The following CNTN5 variants were observed in gnomAD, a reference collection of about 807,000 sequenced individuals.
The protein encoded by CNTN5 is contactin 5.
CNTN5 carries 77 observed loss-of-function variants against 129.1 expected under a neutral mutation model. The ratio of observed to expected loss-of-function variants is 0.60; its 90% confidence interval spans 0.50 to 0.72. The LOEUF (loss-of-function observed/expected upper bound fraction) is 0.72. CNTN5 is among the 30% of genes least tolerant of loss of function. CNTN5 has a pLI of 0.00. For synonymous variants in CNTN5, 509 were observed against 465.6 expected (o/e 1.09, Z -1.20); for missense variants, 1,478 against 1,328.8 (o/e 1.11, Z -1.75).
At chr11:99,588,643 G>A (rs948579970) in intron 3 of CNTN5, among the ~76,000 whole-genome samples, 2 of 152,048 alleles carry the variant, frequency 1.3e-5, no homozygotes, top group Non-Finnish European at 2.9e-5. Context: ...TATTTAATAC[G>A]TTAAAGTAAA....
At chr11:99,157,213 G>A (rs1860379620) in intron 1 of CNTN5, among the ~76,000 whole-genome samples, 1 of 151,928 alleles carries the variant, frequency 6.6e-6, no homozygotes, top group Non-Finnish European at 1.5e-5. Flanking sequence ...TCAAGATAGA[G>A]AAGTATTTTT....
At chr11:100,173,169 A>G (rs1424020087) in intron 13 of CNTN5, among the ~76,000 whole-genome samples, 1 of 152,050 alleles carries the variant, frequency 6.6e-6, no homozygotes, top group Non-Finnish European at 1.5e-5. Flanking sequence ...GCTTATCCAA[A>G]TCCTTATCAG....
chr11:100,083,701 A>G (rs1944448213), intron 13 of CNTN5, among the ~76,000 whole-genome samples: 1 of 152,180 alleles, frequency 6.6e-6, no homozygotes, highest in Admixed American at 6.6e-5. Context: ...GTATGTTTAC[A>G]TAGTATAACG....
intron 2 of CNTN5, among the ~76,000 whole-genome samples, chr11:99,350,337 G>C (rs1194939816): frequency 6.6e-6 from 1 of 152,080 alleles, no homozygotes; most frequent in Non-Finnish European, 1.5e-5. Flanking sequence ...TTAGATGTTG[G>C]AACTCACATT....
intron 3 of CNTN5, among the ~76,000 whole-genome samples, chr11:99,801,863 T>C (rs545443062): frequency 4.4e-4 from 67 of 152,222 alleles, no homozygotes; most frequent in Admixed American, 1.1e-3. Flanking sequence ...AACCTTCTCT[T>C]TGGATATCTT....
At chr11:99,997,800 A>G (rs1939556728) in intron 8 of CNTN5, among the ~76,000 whole-genome samples, 1 of 152,178 alleles carries the variant, frequency 6.6e-6, no homozygotes, top group South Asian at 2.1e-4. Flanking sequence ...CAAAAAGCTT[A>G]TCCACCATGA....
intron 9 of CNTN5, among the ~76,000 whole-genome samples, chr11:100,007,396 T>G (rs1940261266): frequency 6.6e-6 from 1 of 152,166 alleles, no homozygotes; most frequent in Non-Finnish European, 1.5e-5. Flanking sequence ...AAGGCTGTTT[T>G]GTCTACATTG....
chr11:99,602,089 A>G (rs1950329504), intron 3 of CNTN5, among the ~76,000 whole-genome samples: 1 of 152,132 alleles, frequency 6.6e-6, no homozygotes, highest in Non-Finnish European at 1.5e-5. Flanking sequence ...AATTCATCAG[A>G]TAAAGTACAA....
intron 11 of CNTN5, 89 bp from the exon 12 acceptor site, chr11:100,071,616 C>A: frequency 3.1e-6 from 3 of 962,986 alleles, no homozygotes; most frequent in Non-Finnish European, 4.4e-6. Context: ...TAATTGCAAA[C>A]TTGTTTTTTC....
At chr11:99,321,195 C>T (rs1865554249) in intron 1 of CNTN5, among the ~76,000 whole-genome samples, 2 of 90,956 alleles carry the variant, frequency 2.2e-5, no homozygotes, top group Admixed American at 1.0e-4. Flanking sequence ...AAACTAATTC[C>T]AATTGCATAC....
chr11:99,632,171 T>G (rs1466339759), intron 3 of CNTN5, among the ~76,000 whole-genome samples: 3 of 150,466 alleles, frequency 2.0e-5, no homozygotes. Context: ...CAAACCATCT[T>G]AAAATTGTCT....
At chr11:99,242,420 G>A (rs1326456491) in intron 1 of CNTN5, among the ~76,000 whole-genome samples, 2 of 152,032 alleles carry the variant, frequency 1.3e-5, no homozygotes, top group Non-Finnish European at 2.9e-5. Context: ...ATTCTTCCCT[G>A]TTAGTAATTT....
intron 3 of CNTN5, among the ~76,000 whole-genome samples, chr11:99,669,599 C>G (rs1432269029): frequency 6.6e-6 from 1 of 151,818 alleles, no homozygotes; most frequent in Non-Finnish European, 1.5e-5. Flanking sequence ...ACACTATTTC[C>G]CTGTTTGATA....
intron 3 of CNTN5, among the ~76,000 whole-genome samples, chr11:99,724,135 A>T (rs1008919089): frequency 1.3e-5 from 2 of 152,132 alleles, no homozygotes; most frequent in Non-Finnish European, 2.9e-5. Flanking sequence ...ACAGTCATTC[A>T]TGTGAACAGG....
intron 1 of CNTN5, among the ~76,000 whole-genome samples, chr11:99,057,125 G>T (rs1423814166): frequency 6.6e-6 from 1 of 152,016 alleles, no homozygotes; most frequent in Non-Finnish European, 1.5e-5. Flanking sequence ...TGTCTCTTGG[G>T]ATAGATGGTT....
intron 3 of CNTN5, among the ~76,000 whole-genome samples, chr11:99,771,282 T>C (rs1001079193): frequency 6.6e-6 from 1 of 152,056 alleles, no homozygotes; most frequent in Non-Finnish European, 1.5e-5. Context: ...CTGTGTTCAT[T>C]GCAGCATCAT....
At chr11:100,194,958 A>G (rs1388983028) in intron 15 of CNTN5, among the ~76,000 whole-genome samples, 1 of 152,002 alleles carries the variant, frequency 6.6e-6, no homozygotes. Context: ...ATTGTTCACC[A>G]TCTCATTAAA....
intron 3 of CNTN5, among the ~76,000 whole-genome samples, chr11:99,676,712 C>T (rs1953300728): frequency 6.6e-6 from 1 of 151,944 alleles, no homozygotes; most frequent in African/African-American, 2.4e-5. Flanking sequence ...TACCCTAGAA[C>T]TTAAAGTATA....
chr11:99,065,324 A>G (rs973593913), intron 1 of CNTN5, among the ~76,000 whole-genome samples: 1 of 152,152 alleles, frequency 6.6e-6, no homozygotes, highest in African/African-American at 2.4e-5. Context: ...GCAAAGTAAA[A>G]TGGCATATTT....
Sources: gnomAD v4.1 joint callset for allele counts (sites outside exome capture counted in the v4.1 genomes callset) on GRCh38, gnomAD v4.1.1 for gene constraint, MANE v1.5 for transcripts, NCBI Gene and HGNC (gene_info 2026-07-23, HGNC 2026-07-21) for gene names.